The following ADAMTS12 variants were observed in gnomAD, a reference collection of about 807,000 sequenced individuals.
The protein encoded by ADAMTS12 is A disintegrin and metalloproteinase with thrombospondin motifs 12.
Under a neutral mutation model 167.8 loss-of-function variants are expected in ADAMTS12, and 118 were observed. That is an observed-to-expected ratio of 0.70 (90% confidence interval 0.61 to 0.82). The LOEUF (loss-of-function observed/expected upper bound fraction) is 0.82, where lower values mean the gene tolerates loss of function less well. Among genes scored for constraint, ADAMTS12 ranks in the 40% least tolerant of loss-of-function variants. The pLI is 0.00. For synonymous variants in ADAMTS12, 704 were observed against 716.9 expected (o/e 0.98, Z 0.29); for missense variants, 1,916 against 1,998.8 (o/e 0.96, Z 0.79).
chr5:33,699,864 A>G (rs966854), intron 3 of ADAMTS12, among the ~76,000 whole-genome samples: 130,685 of 152,178 alleles, frequency 0.86, 56,389 homozygotes, highest in Non-Finnish European at 0.89. Context: ...CCAAACTTAA[A>G]AGTAACAATA....
In ADAMTS12 at chr5:33,858,089, A is replaced by C. The variant is rs551549992; in HGVS notation, c.489+23030T>G. Among the ~76,000 whole-genome samples the C allele has an allele frequency of 2.6e-5, 4 of 152,346 alleles. No individual in the cohort carries two copies. In the East Asian group the frequency reaches 5.8e-4, roughly 22 times the overall value. On this transcript the variant is annotated intron_variant, in intron 2 of 23. Coordinates refer to ENST00000504830, the MANE Select transcript of ADAMTS12 (RefSeq NM_030955.4). ...ACATTCTTTTCAAGATGGAACTATA[A>C]ATTTCAAGAAACTTAAAAGAATTGA...
intron 21 of ADAMTS12, among the ~76,000 whole-genome samples, chr5:33,547,908 T>C (rs373030400): frequency 4.4e-4 from 67 of 152,302 alleles, no homozygotes; most frequent in Middle Eastern, 6.8e-3. Flanking sequence ...ATGGAGAGTT[T>C]GGAGGTCTGG....
Position 33,615,820 on chromosome 5 carries a change from T to C in ADAMTS12, c.2388+8A>G, listed in dbSNP as rs774028884. ...ACATGTCAGCAGTTTCCCTCCTTTC[T>C]GCATTACCTGGATCCACACAGACTC... On this transcript the variant is annotated splice_region_variant and intron_variant, in intron 15 of 23. Transcript: ENST00000504830. The C allele has an allele frequency of 6.2e-7, 1 of 1,613,808 alleles. No homozygotes were observed. Among genetic ancestry groups the C allele is most frequent in the Non-Finnish European group, 8.5e-7 (1 of 1,179,846 alleles).
chr5:33,790,039 TA>T (rs1746469082), intron 2 of ADAMTS12, among the ~76,000 whole-genome samples: 1 of 152,210 alleles, frequency 6.6e-6, no homozygotes, highest in East Asian at 1.9e-4. Context: ...AACAAGGTTA[TA>T]GAACAATTCC....
At chr5:33,687,648 T>C (rs976637070) in intron 3 of ADAMTS12, among the ~76,000 whole-genome samples, 6 of 152,234 alleles carry the variant, frequency 3.9e-5, no homozygotes, top group South Asian at 2.1e-4. Flanking sequence ...AGTTATATTA[T>C]AGATAGTGCC....
rs966160706 is a variant in ADAMTS12, at chr5:33,643,407, C to T, written c.1543G>A (p.Ala515Thr). The part of the protein sequence containing the change: ...GFCRSKLDAA[A>T]DGTQCGEKKW... ...TTCTCACCACATTGAGTTCCATCTG[C>T]AGCAGCGTCCAGCTTAGAGCGACAA... The change falls in exon 10 of 24, where the codon GCA becomes ACA. Residue 515 changes from alanine (A) to threonine (T), a missense_variant. By Grantham distance (58) the Ala-to-Thr change is moderately conservative. Transcript: ENST00000504830. The T allele has an allele frequency of 6.2e-7, 1 of 1,614,156 alleles. No homozygotes were observed. The highest frequency in any genetic ancestry group is 8.5e-7 in the Non-Finnish European group (1 of 1,179,992).
Position 33,588,762 on chromosome 5 carries a change from T to C in ADAMTS12, c.2702A>G (p.His901Arg). The change falls in exon 18 of 24, where the codon CAC (histidine) becomes CGC (arginine). Residue 901 changes from histidine to arginine, a missense_variant. Physicochemically the swap from His to Arg is conservative, Grantham distance 29 (BLOSUM62 0). Transcript: ENST00000504830. ...CAGCACGGTTCGCTTCTTCTCCCCG[T>C]GGGGCCCGCATGTCGCCGAGCATGC... is the stretch of plus-strand genomic sequence containing the variant. Reference protein sequence around the residue: ...WEACSATCGPHGEKKRTVLCI... With the variant: ...WEACSATCGPRGEKKRTVLCI... 1 of 1,613,956 alleles carries C rather than the reference T, an allele frequency of 6.2e-7. No homozygotes were observed. Among genetic ancestry groups the C allele is most frequent in the Non-Finnish European group, 8.5e-7 (1 of 1,180,012 alleles).
Position 33,891,863 on chromosome 5 carries a change from G to C in ADAMTS12, c.-7C>G. The C allele has an allele frequency of 1.2e-6, 2 of 1,610,854 alleles. No individual in the cohort carries two copies. The highest frequency in any genetic ancestry group is 1.7e-6 in the Non-Finnish European group (2 of 1,178,974). Reference sequence around the variant, plus strand: ...TCCTCTGGGCACATGGCATGATTCAGATGTTGAGGAGAAGAAAAGTCAAAA... The same window carrying C: ...TCCTCTGGGCACATGGCATGATTCACATGTTGAGGAGAAGAAAAGTCAAAA... On this transcript the variant is annotated 5_prime_UTR_variant, in exon 1 of 24. It adds an upstream start codon to the 5' untranslated region. Transcript: ENST00000504830.
intron 9 of ADAMTS12, among the ~76,000 whole-genome samples, chr5:33,648,202 G>C (rs903755759): frequency 2.0e-5 from 3 of 152,200 alleles, no homozygotes; most frequent in African/African-American, 4.8e-5. Context: ...CCTAACAGCA[G>C]AGTAGACCAC....
rs779162780 is a variant in ADAMTS12, at chr5:33,577,036, G to T, written c.2990C>A (p.Pro997His). ...SRALCGLQQC[P>H]SSRRVLKPNK... ...TGGTTTCAGAACTCTCCGGCTAGAA[G>T]GGCATTGCTGGAGGCCACACAGAGC... Residue 997 changes from proline (P) to histidine (H), a missense_variant, in exon 19 of 24, where the codon CCT becomes CAT. Physicochemically the swap from Pro to His is moderately conservative, Grantham distance 77. Transcript: ENST00000504830. The T allele has an allele frequency of 1.2e-6, 2 of 1,614,224 alleles. No individual in the cohort carries two copies. Among genetic ancestry groups the T allele is most frequent in the East Asian group, 4.5e-5 (2 of 44,890 alleles).
rs756837882 is a variant in ADAMTS12, at chr5:33,576,697, T to C, written c.3329A>G (p.Asp1110Gly). The change falls in exon 19 of 24, where the codon GAT (aspartate) becomes GGT (glycine). Residue 1110 changes from aspartate (D) to glycine (G), a missense_variant. By Grantham distance (94) the Asp-to-Gly change is moderately conservative (BLOSUM62 -1). Transcript: ENST00000504830. Reference protein sequence around the residue: ...QPSEENVSSSDTGPTSEGGLV... With the variant: ...QPSEENVSSSGTGPTSEGGLV... ...GCCTCCCTCCGAGGTAGGACCAGTA[T>C]CTGAACTGGAAACATTTTCCTCACT... is the stretch of plus-strand genomic sequence containing the variant. 1 of 1,614,076 alleles carries C rather than the reference T, an allele frequency of 6.2e-7. No homozygotes were observed. Among genetic ancestry groups the C allele is most frequent in the Non-Finnish European group, 8.5e-7 (1 of 1,180,042 alleles).
At chr5:33,815,501 C>T (rs1747617279) in intron 2 of ADAMTS12, among the ~76,000 whole-genome samples, 1 of 152,190 alleles carries the variant, frequency 6.6e-6, no homozygotes, top group Admixed American at 6.5e-5. Flanking sequence ...CATCCTGGTG[C>T]CCTGATCTCA....
At chr5:33,721,066 T>C (rs948432142) in intron 3 of ADAMTS12, among the ~76,000 whole-genome samples, 1 of 152,166 alleles carries the variant, frequency 6.6e-6, no homozygotes, top group African/African-American at 2.4e-5. Flanking sequence ...CAACCACATC[T>C]AATAGTATGG....
chr5:33,774,895 T>G (rs1745864087), intron 2 of ADAMTS12, among the ~76,000 whole-genome samples: 1 of 152,234 alleles, frequency 6.6e-6, no homozygotes, highest in Non-Finnish European at 1.5e-5. Flanking sequence ...TATGTTTATA[T>G]AAGAATCACA....
intron 1 of ADAMTS12, among the ~76,000 whole-genome samples, chr5:33,887,756 CT>C (rs533866175): frequency 0.022 from 3,234 of 144,282 alleles, 47 homozygotes; most frequent in African/African-American, 0.047. Flanking sequence ...AGTAGTTATT[CT>C]TTTTTTTTTT....
intron 12 of ADAMTS12, among the ~76,000 whole-genome samples, chr5:33,632,998 A>G (rs6451004): frequency 0.79 from 119,078 of 151,264 alleles, 48,399 homozygotes; most frequent in Non-Finnish European, 0.89. Context: ...GAGGTAAACC[A>G]TGATGCCATG....
At chr5:33,844,060 C>T (rs1325319210) in intron 2 of ADAMTS12, among the ~76,000 whole-genome samples, 1 of 152,030 alleles carries the variant, frequency 6.6e-6, no homozygotes, top group Non-Finnish European at 1.5e-5. Context: ...ATTTCATGGA[C>T]ACTTATCACT....
intron 3 of ADAMTS12, among the ~76,000 whole-genome samples, chr5:33,738,711 C>T (rs1744452377): frequency 6.6e-6 from 1 of 152,226 alleles, no homozygotes; most frequent in African/African-American, 2.4e-5. Context: ...CAGCACTGTC[C>T]TGGCTGAGGA....
rs550561026 is a variant in ADAMTS12 at position 33,684,593 on chromosome 5, C to T, written c.635-538G>A. Among the ~76,000 whole-genome samples, 7 of 152,292 alleles carry T rather than the reference C, an allele frequency of 4.6e-5. No homozygotes were observed. The East Asian group carries it at 1.4e-3, about 29-fold the overall frequency. On this transcript the variant is annotated intron_variant, in intron 3 of 23. Transcript: ENST00000504830. Reference sequence around the variant, plus strand: ...TGCATTTTTAAAAATATACATCACACCGTTTCCAACAGAGTAAACATGTAT... The same window carrying T: ...TGCATTTTTAAAAATATACATCACATCGTTTCCAACAGAGTAAACATGTAT...
Sources: gnomAD v4.1 joint callset for allele counts (sites outside exome capture counted in the v4.1 genomes callset) on GRCh38, gnomAD v4.1.1 for gene constraint, MANE v1.5 for transcripts, NCBI Gene and HGNC (gene_info 2026-07-23, HGNC 2026-07-21) for gene names.